Variants in DLG2 observed in about 807,000 individuals in gnomAD.
DLG2 encodes the protein disks large homolog 2.
In DLG2, 45 loss-of-function variants were observed where a neutral mutation model predicts 132.5. The ratio of observed to expected loss-of-function variants is 0.34; its 90% CI spans 0.27 to 0.44. The LOEUF is 0.44. Among genes scored for constraint, DLG2 ranks in the 20% least tolerant of loss-of-function variants. The probability of loss-of-function intolerance (pLI) is 1.00; values close to 1 mark genes in which losing one functional copy is unlikely to be tolerated. For synonymous variants in DLG2, 424 were observed against 419.6 expected (o/e 1.01, Z -0.13); for missense variants, 1,045 against 1,196.9 (o/e 0.87, Z 1.87).
chr11:83,661,829 A>G (rs140337240), intron 18 of DLG2, among the ~76,000 whole-genome samples: 4 of 152,148 alleles, frequency 2.6e-5, no homozygotes, highest in African/African-American at 7.2e-5. Flanking sequence ...GTGACCTCCT[A>G]TTGGGGGCAG....
At chr11:84,495,940 T>G (rs1333119735) in intron 7 of DLG2, among the ~76,000 whole-genome samples, 2 of 152,112 alleles carry the variant, frequency 1.3e-5, no homozygotes, top group African/African-American at 2.4e-5. Context: ...TTCTCCCCAC[T>G]TGTGGTGGCT....
chr11:84,963,991 T>C (rs1008413176), intron 6 of DLG2, among the ~76,000 whole-genome samples: 2 of 152,142 alleles, frequency 1.3e-5, no homozygotes, highest in African/African-American at 2.4e-5. Context: ...TTAAAATATA[T>C]CTATTTTGTA....
chr11:84,649,145 C>T (rs2099678544), intron 6 of DLG2, among the ~76,000 whole-genome samples: 1 of 152,002 alleles, frequency 6.6e-6, no homozygotes, highest in African/African-American at 2.4e-5. Flanking sequence ...CAGGTTTGTT[C>T]TTTGTTTTCT....
chr11:85,199,887 G>A (rs557557274), intron 4 of DLG2, among the ~76,000 whole-genome samples: 2 of 151,582 alleles, frequency 1.3e-5, no homozygotes, highest in South Asian at 4.2e-4. Context: ...AGAACTTTGG[G>A]TTCTACCCCC....
intron 4 of DLG2, among the ~76,000 whole-genome samples, chr11:85,255,587 T>C (rs1168724662): frequency 2.6e-5 from 4 of 152,222 alleles, no homozygotes; most frequent in Non-Finnish European, 5.9e-5. Flanking sequence ...CACTATTCTA[T>C]GCCCCTGATA....
chr11:85,231,308 T>A (rs1163513108), intron 4 of DLG2, among the ~76,000 whole-genome samples: 1 of 151,964 alleles, frequency 6.6e-6, no homozygotes, highest in African/African-American at 2.4e-5. Flanking sequence ...TTCACTGATA[T>A]TTTCTTCTGC....
chr11:84,034,673 T>G (rs967018217), intron 11 of DLG2, among the ~76,000 whole-genome samples: 2 of 152,072 alleles, frequency 1.3e-5, no homozygotes, highest in Admixed American at 6.5e-5. Context: ...CAGAGTAAAT[T>G]TGCATCCAGT....
intron 19 of DLG2, among the ~76,000 whole-genome samples, chr11:83,600,980 C>G (rs961244358): frequency 6.6e-6 from 1 of 152,178 alleles, no homozygotes; most frequent in African/African-American, 2.4e-5. Context: ...TATTTACTAT[C>G]CTTGGTAGAA....
At chr11:84,104,223 A>G (rs190559369) in intron 9 of DLG2, among the ~76,000 whole-genome samples, 100 of 152,252 alleles carry the variant, frequency 6.6e-4, no homozygotes, top group African/African-American at 2.3e-3. Flanking sequence ...GTACATATAT[A>G]CCATGGAATA....
At chr11:84,461,156 G>C (rs565348668) in intron 7 of DLG2, among the ~76,000 whole-genome samples, 1 of 150,798 alleles carries the variant, frequency 6.6e-6, no homozygotes, top group Non-Finnish European at 1.5e-5. Context: ...GGTTAAGTAG[G>C]AGTTATTGCT....
chr11:83,480,780 A>G, intron 22 of DLG2: 1 of 645,616 alleles, frequency 1.5e-6, no homozygotes, highest in East Asian at 2.7e-5. Flanking sequence ...TTTCTTGACT[A>G]TAAATTCAGA....
In DLG2 at chr11:84,824,391, CTG is replaced by C. The variant is rs567877659; in HGVS notation, c.357+287268_357+287269del. 9.9e-5 allele frequency among the ~76,000 whole-genome samples: 15 copies of C among 151,948 alleles called. 1 individual carries two copies. Among genetic ancestry groups the C allele is most frequent in the African/African-American group, 2.7e-4 (11 of 41,496 alleles). The stretch of plus-strand genomic sequence containing the variant: ...TAACAAAAAAAGAGATTTTCAGTAA[CTG>C]TGAAATGTTTGATTTTAAACAGTAA... On this transcript the variant is annotated intron_variant, in intron 6 of 27. Coordinates refer to ENST00000376104, the MANE Select transcript of DLG2 (RefSeq NM_001142699.3).
intron 6 of DLG2, among the ~76,000 whole-genome samples, chr11:85,011,130 C>A (rs1006290676): frequency 6.6e-6 from 1 of 152,108 alleles, no homozygotes; most frequent in African/African-American, 2.4e-5. Context: ...TACAAACAAG[C>A]CTTGAGCATT....
chr11:83,813,792 CA>C (rs2048043062), intron 17 of DLG2, among the ~76,000 whole-genome samples: 1 of 152,076 alleles, frequency 6.6e-6, no homozygotes, highest in Admixed American at 6.6e-5. Flanking sequence ...GCAACAACAA[CA>C]AAAATAACAG....
At chr11:84,522,013 C>A (rs1413108082) in intron 7 of DLG2, among the ~76,000 whole-genome samples, 1 of 136,592 alleles carries the variant, frequency 7.3e-6, no homozygotes, top group Admixed American at 7.1e-5. Flanking sequence ...ACTAAAAATA[C>A]AAAAATGAGT....
At position 84,237,032 on chromosome 11, in the gene DLG2, G is replaced by A. The variant is rs546572631; in HGVS notation, c.573+14206C>T. Among the ~76,000 whole-genome samples, 73 of 151,452 alleles carry A rather than the reference G, an allele frequency of 4.8e-4. 1 individual carries two copies. The South Asian group carries it at 0.014, about 30-fold the overall frequency. On this transcript the variant is annotated intron_variant, in intron 8 of 27. Transcript: ENST00000376104. Reference sequence around the variant, plus strand: ...CAACCTCCGCCTCCCGGGTTCCAGCGATTCCCCTGCCTCAGCCTCCTGAGT... The same window carrying A: ...CAACCTCCGCCTCCCGGGTTCCAGCAATTCCCCTGCCTCAGCCTCCTGAGT...
chr11:85,384,037 G>C (rs1052429542), intron 3 of DLG2, among the ~76,000 whole-genome samples: 5 of 152,052 alleles, frequency 3.3e-5, no homozygotes, highest in Admixed American at 6.6e-5. Flanking sequence ...CTGTCTCCTA[G>C]TTAATACTCC....
intron 6 of DLG2, among the ~76,000 whole-genome samples, chr11:84,834,957 T>TA (rs775377963): frequency 6.6e-6 from 1 of 151,646 alleles, no homozygotes; most frequent in Non-Finnish European, 1.5e-5. Context: ...TGGAAAATGC[T>TA]AATACTTCCT....
In DLG2 at chr11:83,808,563, T is replaced by C. The variant is rs1055382006; in HGVS notation, c.1723-21771A>G. Among the ~76,000 whole-genome samples the C allele has an allele frequency of 2.6e-5, 4 of 152,288 alleles. No homozygotes were observed. In the South Asian group the frequency reaches 8.3e-4, roughly 32 times the overall value. ...GCACTAACAGTTGCCAGCAACAGAA[T>C]AAAATATATGTGACTAGCCCTTGCT... On this transcript the variant is annotated intron_variant, in intron 17 of 27. Coordinates refer to ENST00000376104, the MANE Select transcript of DLG2 (RefSeq NM_001142699.3).
Sources: gnomAD v4.1 joint callset for allele counts (sites outside exome capture counted in the v4.1 genomes callset) on GRCh38, gnomAD v4.1.1 for gene constraint, MANE v1.5 for transcripts, NCBI Gene and HGNC (gene_info 2026-07-23, HGNC 2026-07-21) for gene names.